ZC3H12B: variants seen among roughly 807,000 people sequenced by gnomAD.
ZC3H12B encodes the protein zinc finger CCCH-type containing 12B.
ZC3H12B carries 7 observed loss-of-function variants against 43.9 expected under a neutral mutation model. The observed-to-expected ratio is 0.16, with a 90% CI of 0.09 to 0.30. ZC3H12B has a LOEUF of 0.30. ZC3H12B is among the 10% of genes least tolerant of loss of function. ZC3H12B has a pLI of 1.00. For missense variants in ZC3H12B, 475 were observed against 670.2 expected (o/e 0.71, Z 3.22); for synonymous variants, 222 against 241.7 (o/e 0.92, Z 0.76).
the ZC3H12B span, among the ~76,000 whole-genome samples, chrX:65,112,040 G>A: frequency 2.7e-5 from 3 of 112,318 alleles, no homozygotes; most frequent in Admixed American, 1.9e-4. Context: ...GCCAAGTTGT[G>A]TAAAGTAAAA....
chrX:65,294,425 C>A, the ZC3H12B span, among the ~76,000 whole-genome samples: 5 of 111,287 alleles, frequency 4.5e-5, no homozygotes, highest in Non-Finnish European at 9.4e-5. Flanking sequence ...TCTTACAGGA[C>A]CTGTAAAACA....
chrX:65,215,594 C>G, the ZC3H12B span, among the ~76,000 whole-genome samples: 3 of 111,263 alleles, frequency 2.7e-5, no homozygotes, highest in Non-Finnish European at 5.6e-5. Flanking sequence ...CTCGTTTGAT[C>G]TTCAATCCAG....
intron 3 of ZC3H12B, among the ~76,000 whole-genome samples, chrX:65,427,146 T>A (rs1310408741): frequency 8.9e-6 from 1 of 111,892 alleles, no homozygotes; most frequent in Non-Finnish European, 1.9e-5. Flanking sequence ...ATGCTCCATA[T>A]TGGGTGCATA....
At chrX:65,251,795 G>T in the ZC3H12B span, among the ~76,000 whole-genome samples, 1 of 111,547 alleles carries the variant, frequency 9.0e-6, no homozygotes, top group Non-Finnish European at 1.9e-5. Context: ...TGTATCCTGA[G>T]ACTTTGCTGA....
At chrX:65,108,969 C>A in the ZC3H12B span, among the ~76,000 whole-genome samples, 1 of 111,526 alleles carries the variant, frequency 9.0e-6, no homozygotes, top group Non-Finnish European at 1.9e-5. Context: ...TTATGTAATG[C>A]TGACTATACA....
the ZC3H12B span, among the ~76,000 whole-genome samples, chrX:65,188,518 G>A: frequency 1.8e-5 from 2 of 110,544 alleles, no homozygotes; most frequent in Non-Finnish European, 3.8e-5. Flanking sequence ...TTTAACTGGG[G>A]TGAGATTATG....
At chrX:65,182,041 G>A in the ZC3H12B span, among the ~76,000 whole-genome samples, 6 of 111,981 alleles carry the variant, frequency 5.4e-5, no homozygotes, top group Non-Finnish European at 1.1e-4. Context: ...AGAAAATGTG[G>A]CACATGTAAA....
chrX:65,066,294 C>G, the ZC3H12B span, among the ~76,000 whole-genome samples: 1 of 111,369 alleles, frequency 9.0e-6, no homozygotes, highest in African/African-American at 3.3e-5. Context: ...TACCTTTGAT[C>G]TTTGATGCTG....
At chrX:65,500,092 C>A in intron 4 of ZC3H12B, 103 bp downstream of exon 9, 1 of 628,022 alleles carries the variant, frequency 1.6e-6, no homozygotes, top group Non-Finnish European at 2.6e-6. Flanking sequence ...GAAATCCTGG[C>A]TTGTCCACTG....
At chrX:65,226,191 A>G in the ZC3H12B span, among the ~76,000 whole-genome samples, 1 of 112,067 alleles carries the variant, frequency 8.9e-6, no homozygotes, top group South Asian at 3.7e-4. Flanking sequence ...CAGAAAATCT[A>G]CAAGCCAGAA....
At chrX:65,358,005 A>G in the ZC3H12B span, among the ~76,000 whole-genome samples, 1 of 98,625 alleles carries the variant, frequency 1.0e-5, no homozygotes, top group East Asian at 2.8e-4. Flanking sequence ...AATATTAACA[A>G]AGCAAATGGA....
the ZC3H12B span, among the ~76,000 whole-genome samples, chrX:65,221,921 C>T: frequency 9.0e-6 from 1 of 111,028 alleles, no homozygotes; most frequent in Admixed American, 9.6e-5. Flanking sequence ...ACCAATATTC[C>T]TGATGAACAT....
chrX:65,419,801 C>A (rs1294851761), intron 3 of ZC3H12B, among the ~76,000 whole-genome samples: 1 of 111,038 alleles, frequency 9.0e-6, no homozygotes, highest in Admixed American at 9.5e-5. Context: ...GCACCAGGCC[C>A]GCACTCATGG....
At chrX:65,142,021 A>G in the ZC3H12B span, among the ~76,000 whole-genome samples, 2 of 112,221 alleles carry the variant, frequency 1.8e-5, no homozygotes, top group Admixed American at 9.4e-5. Context: ...TCCTCTGGGC[A>G]GATACCCAGT....
chrX:65,393,269 T>A (rs1210228388), intron 2 of ZC3H12B, among the ~76,000 whole-genome samples: 2 of 111,779 alleles, frequency 1.8e-5, no homozygotes, highest in African/African-American at 6.5e-5. Context: ...TAAAAAAAAA[T>A]TCAACATCCT....
the ZC3H12B span, among the ~76,000 whole-genome samples, chrX:65,323,432 G>A: frequency 8.9e-6 from 1 of 111,930 alleles, no homozygotes; most frequent in Non-Finnish European, 1.9e-5. Context: ...TTATGAGTGA[G>A]AACATGTGGT....
At chrX:65,211,138 C>T in the ZC3H12B span, among the ~76,000 whole-genome samples, 1 of 103,411 alleles carries the variant, frequency 9.7e-6, no homozygotes, top group Non-Finnish European at 1.9e-5. Flanking sequence ...ATATCCTTTG[C>T]CCACTTTTTG....
chrX:65,180,451 A>G, the ZC3H12B span, among the ~76,000 whole-genome samples: 1 of 108,374 alleles, frequency 9.2e-6, no homozygotes, highest in African/African-American at 3.3e-5. Context: ...GCACAAGACA[A>G]TAGGAAGAGA....
the ZC3H12B span, among the ~76,000 whole-genome samples, chrX:65,308,585 A>G: frequency 1.8e-5 from 2 of 111,467 alleles, no homozygotes; most frequent in Non-Finnish European, 3.8e-5. Context: ...TCAATGAGAA[A>G]CAAGGTTAAC....
Sources: allele counts gnomAD v4.1 joint callset (sites outside exome capture counted in the v4.1 genomes callset), GRCh38; gene constraint gnomAD v4.1.1; transcripts MANE v1.5; gene names NCBI Gene and HGNC (gene_info 2026-07-23, HGNC 2026-07-21).